Variants in HECTD2 observed in about 807,000 individuals in gnomAD.
HECTD2 encodes probable E3 ubiquitin-protein ligase HECTD2.
In HECTD2, 35 loss-of-function variants were observed where a neutral mutation model predicts 103.2. The observed-to-expected ratio is 0.34, with a 90% CI of 0.26 to 0.45. The LOEUF (loss-of-function observed/expected upper bound fraction) is 0.45. Ranked by LOEUF, HECTD2 falls within the 20% of genes least tolerant of loss-of-function variation. The probability of loss-of-function intolerance (pLI) is 1.00; values close to 1 mark genes in which losing one functional copy is unlikely to be tolerated. For missense variants in HECTD2, 596 were observed against 937.4 expected (o/e 0.64, Z 4.76); for synonymous variants, 281 against 329.9 (o/e 0.85, Z 1.61).
intron 5 of HECTD2, chr10:91,462,440 C>G: frequency 8.1e-7 from 1 of 1,239,220 alleles, no homozygotes; most frequent in Non-Finnish European, 1.0e-6. Context: ...ACTTACTCAG[C>G]AAAAGGAGGT....
rs560127108 is a variant in HECTD2, at chr10:91,481,291, T to A, written c.711+152T>A. The A allele has an allele frequency of 2.5e-5, 10 of 406,696 alleles. No individual in the cohort carries two copies. The South Asian group carries it at 2.8e-4, about 11-fold the overall frequency. 25.2% of individuals were successfully genotyped at this position (406,696 alleles called of 1,614,324 possible). ...TTACCTGTAACCAGAAGATTTTTTT[T>A]AAAGTAGGATTAATAAGATTAAAAG... On this transcript the variant is annotated intron_variant, in intron 7 of 20. Coordinates refer to ENST00000298068, the MANE Select transcript of HECTD2 (RefSeq NM_182765.6).
chr10:91,467,097 G>A (rs1845556807), intron 5 of HECTD2, among the ~76,000 whole-genome samples: 1 of 152,022 alleles, frequency 6.6e-6, no homozygotes, highest in Non-Finnish European at 1.5e-5. Context: ...AAACCTGGGT[G>A]GGGCTACCAA....
chr10:91,473,502 G>A (rs960145529), intron 5 of HECTD2, among the ~76,000 whole-genome samples: 5 of 152,100 alleles, frequency 3.3e-5, no homozygotes, highest in African/African-American at 1.2e-4. Flanking sequence ...AAAGAATGAT[G>A]AAAAAGAAAT....
At chr10:91,413,273 A>G (rs924775922) in intron 1 of HECTD2, among the ~76,000 whole-genome samples, 1 of 152,178 alleles carries the variant, frequency 6.6e-6, no homozygotes, top group East Asian at 1.9e-4. Flanking sequence ...TGGGAGAAAG[A>G]ATGCTGGAAA....
intron 6 of HECTD2, 60 bp downstream of exon 6, chr10:91,478,325 T>C: frequency 1.0e-6 from 1 of 981,874 alleles, no homozygotes; most frequent in Non-Finnish European, 1.6e-6. Context: ...ACACATCATA[T>C]ATCTTTAACA....
chr10:91,457,659 A>G (rs1845164537), intron 2 of HECTD2, among the ~76,000 whole-genome samples: 1 of 152,088 alleles, frequency 6.6e-6, no homozygotes, highest in Non-Finnish European at 1.5e-5. Context: ...CTTTTACTTG[A>G]TAAACAGCAT....
chr10:91,498,936 C>T lies in HECTD2; in HGVS notation c.1820C>T (p.Ser607Leu). The T allele has an allele frequency of 6.2e-7, 1 of 1,602,906 alleles. No individual in the cohort carries two copies. The highest frequency in any genetic ancestry group is 8.5e-7 in the Non-Finnish European group (1 of 1,171,744). ...TTAAAGCCCGGTGGTGATAAAATTT[C>T]AGTTACCAATCAAAATAGAAAAGGT... The part of the protein sequence containing the change: ...YNLKPGGDKI[S>L]VTNQNRKEYV... Residue 607 changes from serine to leucine, a missense_variant, in exon 17 of 21, where the codon TCA (serine) becomes TTA (leucine). Transcript: ENST00000298068.
chr10:91,449,850 A>G (rs1844721185), intron 2 of HECTD2, among the ~76,000 whole-genome samples: 1 of 152,194 alleles, frequency 6.6e-6, no homozygotes, highest in Non-Finnish European at 1.5e-5. Flanking sequence ...AAGGAGAACT[A>G]CAAATCACTC....
At chr10:91,498,327 ATAAAG>A in intron 16 of HECTD2, 145 bp downstream of exon 16, 1 of 597,066 alleles carries the variant, frequency 1.7e-6, no homozygotes, top group Non-Finnish European at 3.0e-6. Flanking sequence ...CCTTAACCTG[ATAAAG>A]TAGACATGTG....
chr10:91,477,447 C>CCG (rs1268400820), intron 5 of HECTD2, among the ~76,000 whole-genome samples: 1 of 152,152 alleles, frequency 6.6e-6, no homozygotes, highest in East Asian at 1.9e-4. Context: ...TTTTCTCCTG[C>CCG]AGCTTTTGTT....
At chr10:91,428,874 TCTC>T (rs1843701877) in intron 2 of HECTD2, among the ~76,000 whole-genome samples, 1 of 152,036 alleles carries the variant, frequency 6.6e-6, no homozygotes, top group Non-Finnish European at 1.5e-5. Context: ...TTTATGTCCT[TCTC>T]CTGTCTAATT....
In HECTD2 at chr10:91,492,338, A is replaced by C. The variant is rs751684855; in HGVS notation, c.1300-14A>C. ...GCTCTTTGTTCTCCTCTACTGTATA[A>C]TATCTTCAAATAGCTAACCCGGAAA... On this transcript the variant is annotated splice_polypyrimidine_tract_variant and intron_variant, in intron 12 of 20. Transcript: ENST00000298068. The C allele has an allele frequency of 4.4e-6, 7 of 1,608,328 alleles. 1 individual carries two copies. The South Asian group carries it at 6.6e-5, about 15-fold the overall frequency.
At chr10:91,437,289 A>G (rs1302749082) in intron 2 of HECTD2, among the ~76,000 whole-genome samples, 1 of 151,984 alleles carries the variant, frequency 6.6e-6, no homozygotes, top group Non-Finnish European at 1.5e-5. Flanking sequence ...ATGCCTGATG[A>G]TTGATGCTGG....
intron 1 of HECTD2, among the ~76,000 whole-genome samples, chr10:91,413,583 G>A (rs1264546294): frequency 1.3e-5 from 2 of 152,162 alleles, no homozygotes; most frequent in African/African-American, 2.4e-5. Context: ...TTAATTCCCT[G>A]GGTATACCAA....
At chr10:91,489,977 T>C (rs1156511415) in intron 11 of HECTD2, 1 of 152,224 alleles carries the variant, frequency 6.6e-6, no homozygotes, top group Admixed American at 6.5e-5. Context: ...TAGATAAATA[T>C]ATAAGCCTGT....
chr10:91,433,335 A>G (rs1452582280), intron 2 of HECTD2, among the ~76,000 whole-genome samples: 1 of 151,946 alleles, frequency 6.6e-6, no homozygotes, highest in Admixed American at 6.6e-5. Flanking sequence ...CTTTTCTGTT[A>G]TCTCTTGTAT....
intron 14 of HECTD2, among the ~76,000 whole-genome samples, chr10:91,495,080 CTCATTATTATGTGTGTTTA>C (rs1846617754): frequency 6.6e-6 from 1 of 151,828 alleles, no homozygotes. Context: ...AATTGCTACT[CTCATTATTATGTGTGTTTA>C]TCACACACAC....
chr10:91,490,869 C>T (rs576480684), intron 11 of HECTD2, among the ~76,000 whole-genome samples: 2 of 109,754 alleles, frequency 1.8e-5, no homozygotes, highest in East Asian at 5.5e-4. Flanking sequence ...CCAGCTTGGG[C>T]GAAAGAGTGA....
chr10:91,502,466 C>T (rs1391489869), intron 20 of HECTD2, among the ~76,000 whole-genome samples: 1 of 152,162 alleles, frequency 6.6e-6, no homozygotes, highest in African/African-American at 2.4e-5. Context: ...ATATCTGAGT[C>T]ATTTAGTTCT....
Sources: gnomAD v4.1 joint callset for allele counts (sites outside exome capture counted in the v4.1 genomes callset) on GRCh38, gnomAD v4.1.1 for gene constraint, MANE v1.5 for transcripts, NCBI Gene and HGNC (gene_info 2026-07-23, HGNC 2026-07-21) for gene names.